Variants in ABCA13 observed in about 807,000 individuals in gnomAD.
The protein encoded by ABCA13 is ATP-binding cassette sub-family A member 13.
In ABCA13, 476 loss-of-function variants were observed where a neutral mutation model predicts 478.7. The ratio of observed to expected loss-of-function variants is 0.99; its 90% CI spans 0.92 to 1.07. The LOEUF (loss-of-function observed/expected upper bound fraction) is 1.07, where lower values mean the gene tolerates loss of function less well. Ranked by LOEUF, ABCA13 falls within the 50% of genes least tolerant of loss-of-function variation. ABCA13 has a pLI of 0.00. For missense variants in ABCA13, 6,060 were observed against 5,910.6 expected (o/e 1.03, Z -0.83); for synonymous variants, 2,252 against 2,158.9 (o/e 1.04, Z -1.20).
At chr7:48,488,860 AT>A (rs1313780522) in intron 47 of ABCA13, among the ~76,000 whole-genome samples, 7 of 151,838 alleles carry the variant, frequency 4.6e-5, no homozygotes, top group Admixed American at 3.3e-4. Flanking sequence ...GAAAGTAATC[AT>A]TTTTTTTCTG....
chr7:48,487,325 A>C (rs1379684663), intron 47 of ABCA13, among the ~76,000 whole-genome samples: 1 of 108,034 alleles, frequency 9.3e-6, no homozygotes, highest in Non-Finnish European at 1.7e-5. Flanking sequence ...AAAACAAAAC[A>C]AAACAAAACA....
intron 3 of ABCA13, among the ~76,000 whole-genome samples, chr7:48,207,895 T>C (rs1785129859): frequency 6.6e-6 from 1 of 152,026 alleles, no homozygotes; most frequent in Non-Finnish European, 1.5e-5. Context: ...TGTCCTGGAG[T>C]GTTTCCCCAA....
chr7:48,615,829 G>A (rs902796814), intron 59 of ABCA13, among the ~76,000 whole-genome samples: 5 of 152,178 alleles, frequency 3.3e-5, no homozygotes, highest in Non-Finnish European at 7.3e-5. Context: ...TATAAGGGTA[G>A]GAGAGGGTTG....
At position 48,295,720 on chromosome 7, in the gene ABCA13, C is replaced by T; in HGVS notation, c.8976C>T (p.Ser2992=). 6.2e-7 allele frequency: 1 copy of T among 1,613,992 alleles called. No homozygotes were observed. The highest frequency in any genetic ancestry group is 1.1e-5 in the South Asian group (1 of 91,084). ...TCTAGGAAATTGAAAAGATATGGTC[C>T]TCGCCGAATCAGCTAAATTGTGAAA... The part of the protein sequence containing the change: ...DHFQEIEKIW[S]SPNQLNCESL... Residue 2992 remains serine (S), a synonymous_variant, in exon 21 of 62, where the codon TCC becomes TCT. Transcript: ENST00000435803.
In ABCA13 at chr7:48,539,533, A is replaced by G. The variant is rs1014427043; in HGVS notation, c.14354+11188A>G. The stretch of plus-strand genomic sequence containing the variant: ...ATTTACCCAGTTTTCACAATAATCA[A>G]TTGGTTTTCAGCTGTCCTCAGAAAG... On this transcript the variant is annotated intron_variant, in intron 55 of 61. Coordinates refer to ENST00000435803, the MANE Select transcript of ABCA13 (RefSeq NM_152701.5). 3.9e-5 allele frequency among the ~76,000 whole-genome samples: 6 copies of G among 152,258 alleles called. No individual in the cohort carries two copies. The East Asian group carries it at 5.8e-4, about 15-fold the overall frequency.
intron 27 of ABCA13, among the ~76,000 whole-genome samples, chr7:48,334,337 A>ATT (rs57409709): frequency 4.1e-4 from 57 of 138,838 alleles, no homozygotes; most frequent in East Asian, 1.7e-3. Context: ...CTCTATCCCT[A>ATT]TTTTTTTTTT....
intron 38 of ABCA13, among the ~76,000 whole-genome samples, chr7:48,394,824 A>G (rs939329091): frequency 1.3e-5 from 2 of 151,986 alleles, no homozygotes; most frequent in African/African-American, 4.8e-5. Context: ...TATTTGTTTT[A>G]TTTTATCCCT....
chr7:48,208,467 C>A (rs540307032), intron 3 of ABCA13, among the ~76,000 whole-genome samples: 1 of 151,950 alleles, frequency 6.6e-6, no homozygotes, highest in Non-Finnish European at 1.5e-5. Flanking sequence ...TTTTGTGTGT[C>A]CTCTTCAATT....
intron 58 of ABCA13, among the ~76,000 whole-genome samples, chr7:48,600,014 T>C (rs1790717820): frequency 6.6e-6 from 1 of 152,214 alleles, no homozygotes; most frequent in Admixed American, 6.5e-5. Context: ...GAAAATAAGA[T>C]ATTGAAATAT....
intron 5 of ABCA13, among the ~76,000 whole-genome samples, chr7:48,223,572 G>A (rs897230395): frequency 6.6e-6 from 1 of 152,112 alleles, no homozygotes; most frequent in Non-Finnish European, 1.5e-5. Flanking sequence ...GTGCCACTGG[G>A]ATTAGCAGCA....
At chr7:48,588,334 T>C (rs1789399014) in intron 57 of ABCA13, among the ~76,000 whole-genome samples, 1 of 152,242 alleles carries the variant, frequency 6.6e-6, no homozygotes, top group South Asian at 2.1e-4. Context: ...CAGGATTATG[T>C]TGAGTAGTTA....
chr7:48,389,172 A>G lies in ABCA13; in HGVS notation c.11606A>G (p.Gln3869Arg). The stretch of plus-strand genomic sequence containing the variant: ...CTCAGCCTGACCTTCTACAGAGACC[A>G]AATCACCGCCCTGCTGGGGACAAAC... ...QDLSLTFYRD[Q>R]ITALLGTNGA... Residue 3869 changes from glutamine (Q) to arginine (R), a missense_variant, in exon 37 of 62, where the codon CAA becomes CGA. By Grantham distance (43) the Gln-to-Arg change is conservative. Transcript: ENST00000435803. 1 of 1,613,976 alleles carries G rather than the reference A, an allele frequency of 6.2e-7. No individual in the cohort carries two copies. Among genetic ancestry groups the G allele is most frequent in the Non-Finnish European group, 8.5e-7 (1 of 1,179,860 alleles).
intron 23 of ABCA13, among the ~76,000 whole-genome samples, chr7:48,303,101 T>A (rs543968559): frequency 9.0e-4 from 137 of 152,320 alleles, no homozygotes; most frequent in Non-Finnish European, 1.4e-3. Context: ...ATATTGAGAT[T>A]TTTTTCATAT....
At chr7:48,570,358 T>C (rs544654973) in intron 55 of ABCA13, among the ~76,000 whole-genome samples, 1 of 128,968 alleles carries the variant, frequency 7.8e-6, no homozygotes, top group African/African-American at 3.0e-5. Flanking sequence ...GGAGTCTCAC[T>C]CTGTCGCCCA....
chr7:48,609,928 T>C (rs897771603), intron 58 of ABCA13, among the ~76,000 whole-genome samples: 1 of 152,198 alleles, frequency 6.6e-6, no homozygotes, highest in African/African-American at 2.4e-5. Flanking sequence ...GGGATTACAA[T>C]TTGACATGAT....
At chr7:48,352,043 C>A in intron 30 of ABCA13, 138 bp from the exon 31 acceptor site, 1 of 784,822 alleles carries the variant, frequency 1.3e-6, no homozygotes, top group Admixed American at 2.9e-5. Flanking sequence ...CCACTGCGGG[C>A]TGGGGCTCTG....
At chr7:48,270,211 A>G (rs1310306823) in intron 16 of ABCA13, among the ~76,000 whole-genome samples, 1 of 152,188 alleles carries the variant, frequency 6.6e-6, no homozygotes, top group Non-Finnish European at 1.5e-5. Flanking sequence ...GTCGTCTCCT[A>G]GTCATGCCAC....
intron 45 of ABCA13, among the ~76,000 whole-genome samples, chr7:48,475,183 G>A (rs138599581): frequency 7.2e-5 from 11 of 152,256 alleles, no homozygotes; most frequent in Non-Finnish European, 1.3e-4. Flanking sequence ...TGGACCACAC[G>A]TTAGAAATCA....
At chr7:48,289,336 GAAA>G (rs968194400) in intron 20 of ABCA13, among the ~76,000 whole-genome samples, 1 of 142,366 alleles carries the variant, frequency 7.0e-6, no homozygotes, top group Non-Finnish European at 1.5e-5. Context: ...GTGGATACAG[GAAA>G]AAAAAAAGCC....
Sources: gnomAD v4.1 joint callset for allele counts (sites outside exome capture counted in the v4.1 genomes callset) on GRCh38, gnomAD v4.1.1 for gene constraint, MANE v1.5 for transcripts, NCBI Gene and HGNC (gene_info 2026-07-23, HGNC 2026-07-21) for gene names.